Variants in NTNG1 observed in about 807,000 individuals in gnomAD.
NTNG1 encodes the protein netrin-G1.
NTNG1 carries 16 observed loss-of-function variants against 54.0 expected under a neutral mutation model. The ratio of observed to expected loss-of-function variants is 0.30; its 90% CI spans 0.20 to 0.45. The LOEUF (loss-of-function observed/expected upper bound fraction) is 0.45, where lower values mean the gene tolerates loss of function less well. NTNG1 is among the 20% of genes least tolerant of loss of function. The pLI is 1.00. For synonymous variants in NTNG1, 255 were observed against 263.1 expected (o/e 0.97, Z 0.30); for missense variants, 530 against 678.7 (o/e 0.78, Z 2.43).
At chr1:107,385,812 T>C (rs1291060359) in intron 3 of NTNG1, among the ~76,000 whole-genome samples, 1 of 151,714 alleles carries the variant, frequency 6.6e-6, no homozygotes, top group African/African-American at 2.4e-5. Context: ...CTATTTTGGA[T>C]AAATGCCATA....
At chr1:107,474,697 A>G (rs534057209) in intron 7 of NTNG1, among the ~76,000 whole-genome samples, 1 of 152,332 alleles carries the variant, frequency 6.6e-6, no homozygotes, top group South Asian at 2.1e-4. Flanking sequence ...TTGCACCATA[A>G]CATGGCAGAA....
intron 2 of NTNG1, among the ~76,000 whole-genome samples, chr1:107,310,397 C>T (rs563256621): frequency 6.6e-6 from 1 of 152,210 alleles, no homozygotes; most frequent in East Asian, 1.9e-4. Context: ...TTTGAACTAA[C>T]CTACAACATC....
At chr1:107,429,791 T>C (rs1224472090) in intron 5 of NTNG1, among the ~76,000 whole-genome samples, 4 of 152,162 alleles carry the variant, frequency 2.6e-5, no homozygotes, top group Non-Finnish European at 5.9e-5. Flanking sequence ...GACTTTGTCA[T>C]TATCATTTAT....
chr1:107,149,184 G>T (rs192934458), intron 2 of NTNG1, among the ~76,000 whole-genome samples: 1 of 152,312 alleles, frequency 6.6e-6, no homozygotes, highest in East Asian at 1.9e-4. Context: ...TATCTGTCAT[G>T]TTAAGGATAA....
At chr1:107,303,592 A>C (rs201181080) in intron 2 of NTNG1, among the ~76,000 whole-genome samples, 1 of 152,172 alleles carries the variant, frequency 6.6e-6, no homozygotes, top group East Asian at 1.9e-4. Flanking sequence ...ATAAGTCTTA[A>C]AAGTACATTA....
rs113149856 is a variant in NTNG1 at position 107,290,626 on chromosome 1, C to T, written c.247-33656C>T. On this transcript the variant is annotated intron_variant, in intron 2 of 7. Coordinates refer to ENST00000370068, the MANE Select transcript of NTNG1 (RefSeq NM_001113226.3). ...CAATCCTTATACACAAATATGTTAA[C>T]TTCTTCATATGGACACAAACCAGGA... Among the ~76,000 whole-genome samples the T allele has an allele frequency of 1.4e-3, 211 of 152,158 alleles. 3 individuals carry two copies. Among genetic ancestry groups the T allele is most frequent in the Middle Eastern group, 0.014 (4 of 294 alleles).
At chr1:107,411,269 C>A (rs1029719761) in intron 5 of NTNG1, among the ~76,000 whole-genome samples, 1 of 152,122 alleles carries the variant, frequency 6.6e-6, no homozygotes, top group Admixed American at 6.6e-5. Flanking sequence ...TTATAGTAAG[C>A]AGTGTCTTCA....
intron 2 of NTNG1, among the ~76,000 whole-genome samples, chr1:107,297,083 G>A (rs1313318197): frequency 8.5e-6 from 1 of 117,252 alleles, no homozygotes; most frequent in Non-Finnish European, 1.8e-5. Context: ...CTTTACAGAT[G>A]AGGACACACA....
chr1:107,147,611 A>G (rs1027684732), intron 1 of NTNG1, among the ~76,000 whole-genome samples: 10 of 152,182 alleles, frequency 6.6e-5, no homozygotes, highest in Admixed American at 5.9e-4. Flanking sequence ...AAAGCTAAGA[A>G]AAGTACAAGG....
chr1:107,235,470 A>G (rs1306185016), intron 2 of NTNG1, among the ~76,000 whole-genome samples: 1 of 152,208 alleles, frequency 6.6e-6, no homozygotes, highest in Non-Finnish European at 1.5e-5. Context: ...AACACTGAGT[A>G]TAGACTGTTA....
intron 5 of NTNG1, among the ~76,000 whole-genome samples, chr1:107,414,391 C>T (rs1392659358): frequency 1.3e-5 from 2 of 152,106 alleles, no homozygotes; most frequent in Non-Finnish European, 2.9e-5. Context: ...GATTCATATT[C>T]TAAGCTGATG....
chr1:107,271,544 C>T (rs1046602464), intron 2 of NTNG1, among the ~76,000 whole-genome samples: 3 of 152,092 alleles, frequency 2.0e-5, no homozygotes, highest in African/African-American at 7.2e-5. Flanking sequence ...ATTTTAATAA[C>T]CCAGACCAGC....
chr1:107,411,447 C>G lies in NTNG1; in HGVS notation c.1087+3739C>G, dbSNP rs150165386. ...GACCTGGTAAAAGTTGTTTTCCATA[C>G]AGCATCCAAATATTTTTGTGCAGTC... On this transcript the variant is annotated intron_variant, in intron 5 of 7. Coordinates refer to ENST00000370068, the MANE Select transcript of NTNG1 (RefSeq NM_001113226.3). Among the ~76,000 whole-genome samples, 311 of 152,280 alleles carry G rather than the reference C, an allele frequency of 2.0e-3. 2 individuals are homozygous for G. The highest frequency in any genetic ancestry group is 6.8e-3 in the African/African-American group (283 of 41,558).
At chr1:107,396,543 A>G (rs1672697545) in intron 4 of NTNG1, among the ~76,000 whole-genome samples, 1 of 152,176 alleles carries the variant, frequency 6.6e-6, no homozygotes, top group Admixed American at 6.5e-5. Context: ...CGCTCTGTTG[A>G]GCAGAAACGT....
At chr1:107,407,332 G>C (rs1243961047) in intron 4 of NTNG1, among the ~76,000 whole-genome samples, 1 of 152,070 alleles carries the variant, frequency 6.6e-6, no homozygotes, top group Non-Finnish European at 1.5e-5. Context: ...TTAATATCTA[G>C]TTTGAACCAC....
At chr1:107,314,439 ATAAAT>A (rs1469861027) in intron 2 of NTNG1, among the ~76,000 whole-genome samples, 48 of 70,206 alleles carry the variant, frequency 6.8e-4, no homozygotes, top group African/African-American at 2.5e-3. Flanking sequence ...AAATAAATAA[ATAAAT>A]AAAAATGAGA....
At chr1:107,355,838 G>A (rs1032953343) in intron 3 of NTNG1, among the ~76,000 whole-genome samples, 2 of 152,118 alleles carry the variant, frequency 1.3e-5, no homozygotes, top group Non-Finnish European at 1.5e-5. Context: ...AGGCCACAGA[G>A]ATTCGGTAAT....
chr1:107,160,387 C>T (rs915303923), intron 2 of NTNG1, among the ~76,000 whole-genome samples: 1 of 152,034 alleles, frequency 6.6e-6, no homozygotes, highest in Non-Finnish European at 1.5e-5. Flanking sequence ...CACTTTTTAC[C>T]TTCTCCACTG....
chr1:107,385,045 A>T (rs1315393654), intron 3 of NTNG1, among the ~76,000 whole-genome samples: 2 of 152,218 alleles, frequency 1.3e-5, no homozygotes, highest in East Asian at 3.8e-4. Flanking sequence ...GGCCAGGCAC[A>T]CTTGACATTT....
Sources: gnomAD v4.1 joint callset for allele counts (sites outside exome capture counted in the v4.1 genomes callset) on GRCh38, gnomAD v4.1.1 for gene constraint, MANE v1.5 for transcripts, NCBI Gene and HGNC (gene_info 2026-07-23, HGNC 2026-07-21) for gene names.